Variants in NR1D2 observed in about 807,000 individuals in gnomAD.
NR1D2 encodes V-erbA-related protein 1-related.
NR1D2 carries 25 observed loss-of-function variants against 52.2 expected under a neutral mutation model. The observed-to-expected ratio is 0.48, with a 90% CI of 0.35 to 0.67. The LOEUF (loss-of-function observed/expected upper bound fraction) is 0.67, where lower values mean the gene tolerates loss of function less well. NR1D2 is among the 30% of genes least tolerant of loss of function. The probability of loss-of-function intolerance (pLI) is 0.01; values close to 1 mark genes in which losing one functional copy is unlikely to be tolerated. For missense variants in NR1D2, 681 were observed against 707.2 expected (o/e 0.96, Z 0.42); for synonymous variants, 259 against 230.1 (o/e 1.13, Z -1.14).
intron 7 of NR1D2, among the ~76,000 whole-genome samples, 177 bp from the exon 8 acceptor site, chr3:23,977,046 A>G (rs1706744775): frequency 6.6e-6 from 1 of 152,226 alleles, no homozygotes; most frequent in African/African-American, 2.4e-5. Context: ...TAATATAGTA[A>G]CTAGCTAACG....
At position 23,967,966 on chromosome 3, in the gene NR1D2, C is replaced by G; in HGVS notation, c.1486C>G (p.Leu496Val). 6.2e-7 allele frequency: 1 copy of G among 1,614,094 alleles called. No homozygotes were observed. The highest frequency in any genetic ancestry group is 8.5e-7 in the Non-Finnish European group (1 of 1,179,990). Reference sequence around the variant, plus strand: ...TGAATTTAGTGAGAAGCTAAATGCCCTCCAACTTAGTGATGAAGAGATGAG... The same window carrying G: ...TGAATTTAGTGAGAAGCTAAATGCCGTCCAACTTAGTGATGAAGAGATGAG... ...MFEFSEKLNA[L>V]QLSDEEMSLF... Residue 496 changes from leucine to valine, a missense_variant, in exon 7 of 8, where the codon CTC becomes GTC. Physicochemically the swap from Leu to Val is conservative, Grantham distance 32 (BLOSUM62 1). Coordinates refer to ENST00000312521, the MANE Select transcript of NR1D2 (RefSeq NM_005126.5).
At chr3:23,963,285 T>G (rs1461155189) in intron 5 of NR1D2, 2 of 1,351,736 alleles carry the variant, frequency 1.5e-6, no homozygotes, top group Non-Finnish European at 2.0e-6. Context: ...ATTTCCAGTT[T>G]AAACCATGAA....
At position 23,951,667 on chromosome 3, in the gene NR1D2, A is replaced by G. The variant is rs190923792; in HGVS notation, c.17-2870A>G. On this transcript the variant is annotated intron_variant, in intron 1 of 7. Coordinates refer to ENST00000312521, the MANE Select transcript of NR1D2 (RefSeq NM_005126.5). ...GGCGGTTGTATCGATGAAATCATCAATCTTTAAAACTATGGGCCAATTTGT... is the reference window on the plus strand; with the variant it reads ...GGCGGTTGTATCGATGAAATCATCAGTCTTTAAAACTATGGGCCAATTTGT... 6.4e-4 allele frequency among the ~76,000 whole-genome samples: 98 copies of G among 152,348 alleles called. 1 individual carries two copies. Among genetic ancestry groups the G allele is most frequent in the African/African-American group, 2.3e-3 (94 of 41,578 alleles).
chr3:23,975,683 G>A (rs1417220930), intron 7 of NR1D2, among the ~76,000 whole-genome samples: 1 of 152,030 alleles, frequency 6.6e-6, no homozygotes, highest in Non-Finnish European at 1.5e-5. Flanking sequence ...GCTTGAACTC[G>A]GGAGGCAGAG....
At chr3:23,953,342 CAAAAAAAAAAA>C (rs55698030) in intron 1 of NR1D2, among the ~76,000 whole-genome samples, 8 of 52,440 alleles carry the variant, frequency 1.5e-4, no homozygotes, top group Admixed American at 6.8e-4. Context: ...GACTCTGTCT[CAAAAAAAAAAA>C]AAAAAAAAAA....
Position 23,945,603 on chromosome 3 carries a change from C to T in NR1D2, c.16+9C>T, listed in dbSNP as rs1315936346. ...CATGGAGGTGAATGCAGGTAAGAAC[C>T]GGACTGCGGCGGGTGGGGGATGGCC... On this transcript the variant is annotated intron_variant, in intron 1 of 7. Transcript: ENST00000312521. The T allele has an allele frequency of 7.9e-6, 9 of 1,136,822 alleles. No individual in the cohort carries two copies. The highest frequency in any genetic ancestry group is 9.8e-6 in the Non-Finnish European group (9 of 921,330). The allele number at this position is 1,136,822 out of a possible 1,614,324, so 70.4% of individuals were successfully genotyped here. A position where few individuals can be genotyped will look rare whatever the true frequency, so the allele number is the denominator to read the frequency against.
Position 23,977,247 on chromosome 3 carries a change from A to G in NR1D2, c.1568A>G (p.Asn523Ser). Residue 523 changes from asparagine (N) to serine (S), a missense_variant, in exon 8 of 8, where the codon AAC (asparagine) becomes AGC (serine). By Grantham distance (46) the Asn-to-Ser change is conservative (BLOSUM62 1). This residue lies in a region of NR1D2 where 475 missense variants were observed against 454.5 expected (regional missense o/e 1.05). Coordinates refer to ENST00000312521, the MANE Select transcript of NR1D2 (RefSeq NM_005126.5). ...GATCGATCTGGAATAGAAAACGTCA[A>G]CTCTGTGGAGGCTTTGCAGGAAACT... ...SADRSGIENV[N>S]SVEALQETLI... The G allele has an allele frequency of 3.7e-6, 6 of 1,601,758 alleles. No individual in the cohort carries two copies. Among genetic ancestry groups the G allele is most frequent in the African/African-American group, 1.3e-5 (1 of 74,142 alleles).
intron 1 of NR1D2, among the ~76,000 whole-genome samples, chr3:23,948,077 A>T (rs572445212): frequency 2.3e-4 from 35 of 151,768 alleles, no homozygotes; most frequent in Non-Finnish European, 3.5e-4. Flanking sequence ...ACATCGCGCT[A>T]CTGCACTCCA....
Position 23,962,312 on chromosome 3 carries a change from G to A in NR1D2, c.853G>A (p.Glu285Lys), listed in dbSNP as rs138439779. 3.1e-5 allele frequency: 50 copies of A among 1,614,198 alleles called. No homozygotes were observed. The African/African-American group carries it at 4.7e-4, about 15-fold the overall frequency. ...SAESMQPQRG[E>K]RIPKNMEQYN... ...TGAGAGCATGCAGCCCCAGAGAGGA[G>A]AACGGATTCCCAAGAACATGGAGCA... is the stretch of plus-strand genomic sequence containing the variant. The change falls in exon 5 of 8, where the codon GAA becomes AAA. Residue 285 changes from glutamate to lysine, a missense_variant. By Grantham distance (56) the Glu-to-Lys change is moderately conservative. Coordinates refer to ENST00000312521, the MANE Select transcript of NR1D2 (RefSeq NM_005126.5).
chr3:23,956,582 ATACT>A (rs756436775), intron 3 of NR1D2, among the ~76,000 whole-genome samples: 1 of 152,192 alleles, frequency 6.6e-6, no homozygotes, highest in Non-Finnish European at 1.5e-5. Context: ...TAATTGCTAC[ATACT>A]TGAAAAAAAT....
rs1490546554 is a variant in NR1D2 at position 23,978,616 on chromosome 3, T to C, written c.*1197T>C. 6.6e-6 allele frequency: 1 copy of C among 152,148 alleles called. No individual in the cohort carries two copies. The highest frequency in any genetic ancestry group is 1.5e-5 in the Non-Finnish European group (1 of 67,996). The allele number at this position is 152,148 out of a possible 1,614,324, so 9.4% of individuals were successfully genotyped here. A position where few individuals can be genotyped will look rare whatever the true frequency, so the allele number is the denominator to read the frequency against. On this transcript the variant is annotated 3_prime_UTR_variant, in exon 8 of 8. Coordinates refer to ENST00000312521, the MANE Select transcript of NR1D2 (RefSeq NM_005126.5). ...GTTGCATTGCTGCCCCTTATACACA[T>C]GCTGCAGCTTGATGTTAAAGAATTT...
At chr3:23,964,877 G>T (rs547314626) in intron 5 of NR1D2, 100 bp from the exon 6 acceptor site, 443 of 785,026 alleles carry the variant, frequency 5.6e-4, no homozygotes, top group Non-Finnish European at 7.5e-4. Context: ...TGTTTTGGGG[G>T]TTAAATTCAT....
intron 1 of NR1D2, chr3:23,946,083 C>T: frequency 4.1e-6 from 4 of 984,618 alleles, no homozygotes; most frequent in Non-Finnish European, 4.8e-6. Context: ...GAGGCTCCGC[C>T]CCTTTGGAAG....
chr3:23,947,883 T>C (rs924868998), intron 1 of NR1D2, among the ~76,000 whole-genome samples: 1 of 152,144 alleles, frequency 6.6e-6, no homozygotes, highest in African/African-American at 2.4e-5. Context: ...TTTGGGAGGC[T>C]GAGCCGGGCG....
chr3:23,959,573 TA>T, intron 3 of NR1D2, 97 bp from the exon 4 acceptor site: 2 of 1,080,656 alleles, frequency 1.9e-6, no homozygotes, highest in Non-Finnish European at 2.7e-6. Flanking sequence ...ACTGGGACTG[TA>T]GTTCGTCATA....
At chr3:23,973,284 A>G (rs1258473374) in intron 7 of NR1D2, among the ~76,000 whole-genome samples, 1 of 152,260 alleles carries the variant, frequency 6.6e-6, no homozygotes, top group Non-Finnish European at 1.5e-5. Context: ...TTGTGTGAAC[A>G]TCATAGAGTG....
At chr3:23,963,339 A>G in intron 5 of NR1D2, 1 of 1,334,616 alleles carries the variant, frequency 7.5e-7, no homozygotes, top group Non-Finnish European at 9.8e-7. Context: ...AGGTAATTAA[A>G]GTCGTCTTTT....
Position 23,971,974 on chromosome 3 carries a change from C to A in NR1D2, c.1543+3951C>A, listed in dbSNP as rs74775386. On this transcript the variant is annotated intron_variant, in intron 7 of 7. Coordinates refer to ENST00000312521, the MANE Select transcript of NR1D2 (RefSeq NM_005126.5). ...TTGAAATGGTAAAGAATAATGGAAA[C>A]CTCTTCTCCAAACCTCTGCACCTTG... 2.5e-4 allele frequency among the ~76,000 whole-genome samples: 38 copies of A among 152,282 alleles called. No homozygotes were observed. The East Asian group carries it at 7.1e-3, about 29-fold the overall frequency.
intron 1 of NR1D2, among the ~76,000 whole-genome samples, chr3:23,950,023 A>T (rs1228147770): frequency 2.0e-5 from 3 of 152,220 alleles, no homozygotes; most frequent in African/African-American, 7.2e-5. Context: ...CTGAAAATAG[A>T]GAAGACTGCT....
Sources: gnomAD v4.1 joint callset for allele counts (sites outside exome capture counted in the v4.1 genomes callset) on GRCh38, gnomAD v4.1.1 for gene constraint, gnomAD v4.1.1 regional missense constraint, MANE v1.5 for transcripts, NCBI Gene and HGNC (gene_info 2026-07-23, HGNC 2026-07-21) for gene names.